ADAM12: variants seen among roughly 807,000 people sequenced by gnomAD.
ADAM12 encodes ADAM metallopeptidase domain 12.
Under a neutral mutation model 106.4 loss-of-function variants are expected in ADAM12, and 70 were observed. The observed-to-expected ratio is 0.66, with a 90% CI of 0.54 to 0.80. ADAM12 has a LOEUF of 0.80. Ranked by LOEUF, ADAM12 falls within the 30% of genes least tolerant of loss-of-function variation. The pLI is 0.00. For synonymous variants in ADAM12, 420 were observed against 433.5 expected (o/e 0.97, Z 0.39); for missense variants, 1,010 against 1,171.9 (o/e 0.86, Z 2.02).
intron 8 of ADAM12, among the ~76,000 whole-genome samples, chr10:126,107,771 CCTGCCCCTTG>C (rs1955800941): frequency 6.6e-6 from 1 of 152,192 alleles, no homozygotes; most frequent in Non-Finnish European, 1.5e-5. Flanking sequence ...TCCCCCCCGC[CCTGCCCCTTG>C]AGGGCAGCAA....
chr10:126,234,774 C>T lies in ADAM12; in HGVS notation c.260+44141G>A, dbSNP rs557773326. Among the ~76,000 whole-genome samples the T allele has an allele frequency of 2.1e-4, 32 of 152,274 alleles. 1 individual carries two copies. In the South Asian group the frequency reaches 5.4e-3, roughly 26 times the overall value. On this transcript the variant is annotated intron_variant, in intron 3 of 22. Coordinates refer to ENST00000448723, the MANE Select transcript of ADAM12 (RefSeq NM_001288973.2). ...GTGATCCGGAAAACAGGAATAACTC[C>T]AAATGGAGGGAGGATGGATCAGGCC...
intron 2 of ADAM12, among the ~76,000 whole-genome samples, chr10:126,287,114 AT>A (rs934208338): frequency 3.3e-5 from 5 of 152,164 alleles, no homozygotes; most frequent in Non-Finnish European, 5.9e-5. Context: ...TGCAGCAAAC[AT>A]TTTAGATTTT....
rs149022130 is a variant in ADAM12, at chr10:126,229,130, C to A, written c.260+49785G>T. ...TTCTTTACCCAAGTGATCACATGTGCAGATGCCCTCAGAGCCTCCCCTTCC... is the reference window on the plus strand; with the variant it reads ...TTCTTTACCCAAGTGATCACATGTGAAGATGCCCTCAGAGCCTCCCCTTCC... On this transcript the variant is annotated intron_variant, in intron 3 of 22. Coordinates refer to ENST00000448723, the MANE Select transcript of ADAM12 (RefSeq NM_001288973.2). Among the ~76,000 whole-genome samples, 1,308 of 152,282 alleles carry A rather than the reference C, an allele frequency of 8.6e-3. 19 individuals carry two copies. Among genetic ancestry groups the A allele is most frequent in the African/African-American group, 0.03 (1,263 of 41,536 alleles).
In ADAM12 at chr10:126,043,990, G is replaced by C. The variant is rs556150414; in HGVS notation, c.1996-842C>G. Among the ~76,000 whole-genome samples the C allele has an allele frequency of 6.6e-6, 1 of 152,288 alleles. No homozygotes were observed. The highest frequency in any genetic ancestry group is 2.1e-4 in the South Asian group (1 of 4,826). ...AGGGGCCAGCAGCCCCTGCCCACCT[G>C]GTTACCAAGGGCTACTGATGGCGGC... On this transcript the variant is annotated intron_variant, in intron 17 of 22. Coordinates refer to ENST00000448723, the MANE Select transcript of ADAM12 (RefSeq NM_001288973.2). This position sits in a 1 kb window ranked among gnomAD's most constrained non-coding sequence, Gnocchi z 4.1.
rs1430547803 is a variant in ADAM12 at position 126,321,908 on chromosome 10, G to GGC, written c.186+8503_186+8504insGC. Among the ~76,000 whole-genome samples, 7 of 143,644 alleles carry GGC rather than the reference G, an allele frequency of 4.9e-5. No homozygotes were observed. In the South Asian group the frequency reaches 1.3e-3, roughly 26 times the overall value. 94.2% of individuals were successfully genotyped at this position (143,644 alleles called of 152,430 possible). ...GCTTAACTTTCTACCTGGGGGTCGG[G>GGC]GGGGGGGCTTCAGCAACCTCATGTG... On this transcript the variant is annotated intron_variant, in intron 2 of 22. Coordinates refer to ENST00000448723, the MANE Select transcript of ADAM12 (RefSeq NM_001288973.2).
chr10:126,155,352 T>C (rs1466361), intron 3 of ADAM12, 47 bp from the exon 4 acceptor site: 637,502 of 1,532,492 alleles, frequency 0.42, 139,345 homozygotes, highest in East Asian at 0.78. Flanking sequence ...CAGAATTGCA[T>C]TGATACATTG....
chr10:126,277,425 C>A (rs1333116638), intron 3 of ADAM12, among the ~76,000 whole-genome samples: 1 of 152,032 alleles, frequency 6.6e-6, no homozygotes, highest in Non-Finnish European at 1.5e-5. Flanking sequence ...ACTCCTAAAT[C>A]CAGCTGCCCA....
intron 2 of ADAM12, among the ~76,000 whole-genome samples, chr10:126,328,442 A>G (rs1167437438): frequency 6.6e-6 from 1 of 152,208 alleles, no homozygotes; most frequent in Admixed American, 6.5e-5. Flanking sequence ...ATGAGGACAG[A>G]TACACACATA....
chr10:126,288,481 C>T (rs1011674447), intron 2 of ADAM12, among the ~76,000 whole-genome samples: 1 of 152,180 alleles, frequency 6.6e-6, no homozygotes, highest in Non-Finnish European at 1.5e-5. Context: ...AGAGCAGCAG[C>T]AGCAGCAGGA....
chr10:126,065,297 G>A (rs1042018902), intron 13 of ADAM12, among the ~76,000 whole-genome samples: 1 of 152,212 alleles, frequency 6.6e-6, no homozygotes, highest in African/African-American at 2.4e-5. Flanking sequence ...TGGCACCTCA[G>A]AGGAAGAAGA....
intron 2 of ADAM12, among the ~76,000 whole-genome samples, chr10:126,287,592 C>T (rs1353628360): frequency 6.6e-6 from 1 of 151,982 alleles, no homozygotes; most frequent in Non-Finnish European, 1.5e-5. Context: ...AAGGCTCTGG[C>T]GTCTGCTCAC....
intron 6 of ADAM12, among the ~76,000 whole-genome samples, chr10:126,115,149 G>A (rs547088764): frequency 6.6e-6 from 1 of 152,276 alleles, no homozygotes; most frequent in East Asian, 1.9e-4. Context: ...TTCAGAGAAG[G>A]CAGCAACTTT....
Position 126,333,848 on chromosome 10 carries a change from C to T in ADAM12, c.89-3339G>A, listed in dbSNP as rs1431105780. On this transcript the variant is annotated intron_variant, in intron 1 of 22. Coordinates refer to ENST00000448723, the MANE Select transcript of ADAM12 (RefSeq NM_001288973.2). ...TGAAGAGGCTTTATTTCCAAATATT[C>T]GAAGGAGAATTTAGAAGCAGGCTGT... 4.6e-5 allele frequency among the ~76,000 whole-genome samples: 7 copies of T among 152,224 alleles called. No homozygotes were observed. In the East Asian group the frequency reaches 5.8e-4, roughly 13 times the overall value.
chr10:126,169,641 G>A (rs940263033), intron 3 of ADAM12, among the ~76,000 whole-genome samples: 2 of 152,114 alleles, frequency 1.3e-5, no homozygotes, highest in African/African-American at 4.8e-5. Context: ...ACAAAACACT[G>A]ACTGGTAAAA....
intron 2 of ADAM12, among the ~76,000 whole-genome samples, chr10:126,282,807 C>T (rs912205901): frequency 1.3e-5 from 2 of 152,070 alleles, no homozygotes; most frequent in African/African-American, 4.8e-5. Flanking sequence ...TACAGCAGTC[C>T]CCAACATTTT....
intron 3 of ADAM12, among the ~76,000 whole-genome samples, chr10:126,163,956 G>A (rs913858838): frequency 6.6e-6 from 1 of 152,164 alleles, no homozygotes; most frequent in African/African-American, 2.4e-5. Flanking sequence ...AAAGAAATAT[G>A]CTTCAAATTG....
chr10:126,122,483 A>C (rs1278304), intron 5 of ADAM12, among the ~76,000 whole-genome samples: 127,334 of 152,188 alleles, frequency 0.84, 53,896 homozygotes, highest in African/African-American at 0.96. Context: ...AAAGGGAGGC[A>C]GGGTGCGGTG....
intron 3 of ADAM12, among the ~76,000 whole-genome samples, chr10:126,178,408 CTTTTTTTTTTTTT>C (rs10549268): frequency 1.9e-5 from 2 of 103,898 alleles, no homozygotes; most frequent in Admixed American, 1.0e-4. Flanking sequence ...TGGAGGACAT[CTTTTTTTTTTTTT>C]TTTTTTTTTT....
At chr10:126,263,670 C>A (rs1232508437) in intron 3 of ADAM12, among the ~76,000 whole-genome samples, 1 of 152,056 alleles carries the variant, frequency 6.6e-6, no homozygotes, top group African/African-American at 2.4e-5. Flanking sequence ...TTTATGTGTC[C>A]TTCAGTAACC....
Sources: gnomAD v4.1 joint callset for allele counts (sites outside exome capture counted in the v4.1 genomes callset) on GRCh38, gnomAD v4.1.1 for gene constraint, Gnocchi (gnomAD v3.1) non-coding constraint, MANE v1.5 for transcripts, NCBI Gene and HGNC (gene_info 2026-07-23, HGNC 2026-07-21) for gene names.